Variants in KCNMB2 observed in about 807,000 individuals in gnomAD.
The protein encoded by KCNMB2 is calcium-activated potassium channel subunit beta-2.
In KCNMB2, 9 loss-of-function variants were observed where a neutral mutation model predicts 24.5. The observed-to-expected ratio is 0.37, with a 90% CI of 0.22 to 0.64. The LOEUF is 0.64. Ranked by LOEUF, KCNMB2 falls within the 30% of genes least tolerant of loss-of-function variation. The probability of loss-of-function intolerance (pLI) is 0.63; values close to 1 mark genes in which losing one functional copy is unlikely to be tolerated. For missense variants in KCNMB2, 226 were observed against 284.3 expected (o/e 0.79, Z 1.47); for synonymous variants, 109 against 104.4 (o/e 1.04, Z -0.27).
At chr3:178,577,360 C>A (rs150059391) in intron 1 of KCNMB2, among the ~76,000 whole-genome samples, 1 of 152,038 alleles carries the variant, frequency 6.6e-6, no homozygotes, top group Non-Finnish European at 1.5e-5. Flanking sequence ...AAACCCCATC[C>A]GAAGGTCACC....
chr3:178,695,816 A>G (rs1398270277), intron 1 of KCNMB2, among the ~76,000 whole-genome samples: 3 of 152,128 alleles, frequency 2.0e-5, no homozygotes, highest in Non-Finnish European at 4.4e-5. Flanking sequence ...GGGAGTTCCA[A>G]ACTTTCCCAC....
intron 1 of KCNMB2, among the ~76,000 whole-genome samples, chr3:178,576,787 G>A (rs1182455455): frequency 6.6e-6 from 1 of 152,200 alleles, no homozygotes; most frequent in Non-Finnish European, 1.5e-5. Context: ...CAGACTGCCT[G>A]TCTAGATTCA....
At chr3:178,580,715 C>T (rs1275079734) in intron 1 of KCNMB2, among the ~76,000 whole-genome samples, 12 of 152,114 alleles carry the variant, frequency 7.9e-5, no homozygotes, top group Non-Finnish European at 1.3e-4. Flanking sequence ...CATTTCTATA[C>T]GCCAATAATA....
At chr3:178,684,925 CAT>C (rs1483257299) in intron 1 of KCNMB2, among the ~76,000 whole-genome samples, 6 of 152,214 alleles carry the variant, frequency 3.9e-5, no homozygotes, top group Non-Finnish European at 7.3e-5. Flanking sequence ...ATACCTTAAA[CAT>C]ACACAGTAAA....
intron 1 of KCNMB2, among the ~76,000 whole-genome samples, chr3:178,553,016 GTTATC>G (rs1354809880): frequency 1.3e-5 from 2 of 152,178 alleles, no homozygotes; most frequent in Non-Finnish European, 2.9e-5. Flanking sequence ...GCCCTATGTT[GTTATC>G]TTAGCTGGAT....
At chr3:178,571,585 A>G (rs1716802018) in intron 1 of KCNMB2, among the ~76,000 whole-genome samples, 1 of 151,488 alleles carries the variant, frequency 6.6e-6, no homozygotes, top group Non-Finnish European at 1.5e-5. Flanking sequence ...CTACATAGGT[A>G]TACACGTGCC....
intron 1 of KCNMB2, among the ~76,000 whole-genome samples, chr3:178,621,111 C>A (rs1410176188): frequency 2.0e-5 from 3 of 152,016 alleles, no homozygotes; most frequent in African/African-American, 4.8e-5. Flanking sequence ...ATAGAAGACG[C>A]AAGAGAGTAC....
chr3:178,822,865 G>C (rs951280977), intron 2 of KCNMB2, among the ~76,000 whole-genome samples: 5 of 152,214 alleles, frequency 3.3e-5, no homozygotes, highest in African/African-American at 1.2e-4. Context: ...GGTATAGGCT[G>C]ACATAAGTGA....
At chr3:178,563,747 G>A (rs190548205) in intron 1 of KCNMB2, among the ~76,000 whole-genome samples, 177 of 152,220 alleles carry the variant, frequency 1.2e-3, no homozygotes, top group African/African-American at 3.2e-3. Context: ...ATACCAGAGC[G>A]TCCCCCAGAG....
intron 1 of KCNMB2, among the ~76,000 whole-genome samples, chr3:178,693,892 C>CTT (rs71181242): frequency 1.0e-3 from 146 of 144,972 alleles, no homozygotes; most frequent in African/African-American, 2.4e-3. Context: ...TTTTCTTTTT[C>CTT]TTTTTTTTTT....
intron 1 of KCNMB2, among the ~76,000 whole-genome samples, chr3:178,656,315 C>G (rs1720341105): frequency 6.6e-6 from 1 of 152,196 alleles, no homozygotes; most frequent in Admixed American, 6.5e-5. Flanking sequence ...CACTAGCTAG[C>G]AGGCATTCAT....
At chr3:178,793,366 T>C (rs1264197197) in intron 1 of KCNMB2, among the ~76,000 whole-genome samples, 1 of 152,136 alleles carries the variant, frequency 6.6e-6, no homozygotes, top group Non-Finnish European at 1.5e-5. Context: ...GTGACAAGAA[T>C]TTTCTCTCAG....
At chr3:178,695,803 C>T (rs1721853697) in intron 1 of KCNMB2, among the ~76,000 whole-genome samples, 1 of 152,204 alleles carries the variant, frequency 6.6e-6, no homozygotes, top group African/African-American at 2.4e-5. Flanking sequence ...CTCCAAGTCT[C>T]TAGGGAGTTC....
chr3:178,664,685 G>A (rs1327450954), intron 1 of KCNMB2, among the ~76,000 whole-genome samples: 1 of 151,906 alleles, frequency 6.6e-6, no homozygotes, highest in African/African-American at 2.4e-5. Context: ...AAAGAAAGGA[G>A]AGACGAAGGA....
At chr3:178,651,903 C>T (rs923790268) in intron 1 of KCNMB2, among the ~76,000 whole-genome samples, 2 of 152,144 alleles carry the variant, frequency 1.3e-5, no homozygotes, top group Admixed American at 6.5e-5. Context: ...TTCCTTACAC[C>T]TTATACAAAA....
intron 1 of KCNMB2, among the ~76,000 whole-genome samples, chr3:178,731,273 T>C (rs7612009): frequency 0.18 from 26,815 of 152,164 alleles, 2,851 homozygotes; most frequent in African/African-American, 0.29. Flanking sequence ...GATTAAACTT[T>C]GAGAAGTTTC....
intron 1 of KCNMB2, among the ~76,000 whole-genome samples, chr3:178,712,196 A>T (rs568610711): frequency 6.6e-6 from 1 of 152,240 alleles, no homozygotes; most frequent in African/African-American, 2.4e-5. Flanking sequence ...AACAGAAAAT[A>T]ACAAGAGTAA....
chr3:178,570,517 T>TTTTTG (rs1716737189), intron 1 of KCNMB2, among the ~76,000 whole-genome samples: 1 of 14,756 alleles, frequency 6.8e-5, no homozygotes, highest in African/African-American at 3.7e-4. Context: ...AATGATACCT[T>TTTTTG]TTTTTTTTTT....
chr3:178,760,003 T>G (rs1384923225), intron 1 of KCNMB2, among the ~76,000 whole-genome samples: 1 of 48,478 alleles, frequency 2.1e-5, no homozygotes, highest in Non-Finnish European at 3.4e-5. Flanking sequence ...TATATATATA[T>G]ATATATCCAA....
Sources: gnomAD v4.1 joint callset for allele counts (sites outside exome capture counted in the v4.1 genomes callset) on GRCh38, gnomAD v4.1.1 for gene constraint, MANE v1.5 for transcripts, NCBI Gene and HGNC (gene_info 2026-07-23, HGNC 2026-07-21) for gene names.